The following MTUS1 variants were observed in gnomAD, a reference collection of about 807,000 sequenced individuals.
MTUS1 encodes microtubule-associated tumor suppressor 1.
In MTUS1, 109 loss-of-function variants were observed where a neutral mutation model predicts 120.8. The ratio of observed to expected loss-of-function variants is 0.90; its 90% confidence interval spans 0.77 to 1.06. The LOEUF (loss-of-function observed/expected upper bound fraction) is 1.06, where lower values mean the gene tolerates loss of function less well. Among genes scored for constraint, MTUS1 ranks in the 50% least tolerant of loss-of-function variants. The probability of loss-of-function intolerance (pLI) is 0.00; values close to 1 mark genes in which losing one functional copy is unlikely to be tolerated. For synonymous variants in MTUS1, 737 were observed against 550.5 expected, an observed-to-expected ratio of 1.34 and a Z score of -4.74; for missense variants, 2,210 against 1,486.3, an observed-to-expected ratio of 1.49 and a Z score of -8.01.
intron 2 of MTUS1, among the ~76,000 whole-genome samples, chr8:17,749,675 AAAAG>A (rs1453543227): frequency 8.0e-5 from 12 of 150,748 alleles, no homozygotes; most frequent in East Asian, 7.8e-4. Flanking sequence ...AAAAAAAAAA[AAAAG>A]AAAGAAAAAG....
chr8:17,725,672 T>G (rs1169556368), intron 3 of MTUS1, among the ~76,000 whole-genome samples: 1 of 152,186 alleles, frequency 6.6e-6, no homozygotes, highest in Non-Finnish European at 1.5e-5. Context: ...TGACCCAATC[T>G]AAAATTTGGG....
chr8:17,675,828 T>C (rs886695383), intron 7 of MTUS1, among the ~76,000 whole-genome samples: 4 of 152,196 alleles, frequency 2.6e-5, no homozygotes, highest in African/African-American at 9.7e-5. Context: ...GATTATGATA[T>C]TTTGGATCAG....
chr8:17,799,899 T>C (rs1312166005), intron 1 of MTUS1, among the ~76,000 whole-genome samples: 1 of 152,112 alleles, frequency 6.6e-6, no homozygotes, highest in Non-Finnish European at 1.5e-5. Flanking sequence ...AGTTCTAATC[T>C]TTTCTTTGTA....
intron 1 of MTUS1, among the ~76,000 whole-genome samples, chr8:17,757,062 A>G (rs1300226028): frequency 6.6e-6 from 1 of 152,224 alleles, no homozygotes; most frequent in Non-Finnish European, 1.5e-5. Context: ...AAATGAAAAC[A>G]TATGTCAACA....
At chr8:17,708,445 A>G (rs910296523) in intron 6 of MTUS1, among the ~76,000 whole-genome samples, 1 of 152,308 alleles carries the variant, frequency 6.6e-6, no homozygotes, top group African/African-American at 2.4e-5. Flanking sequence ...AAGACAGACA[A>G]AGCCAAGTGT....
In MTUS1 at chr8:17,646,103, C is replaced by T. The variant is rs61733704; in HGVS notation, c.3636G>A (p.Ser1212=). The stretch of plus-strand genomic sequence containing the variant: ...TGTTGACTTTCGACTCCTTCTCCAG[C>T]GACTCTTGCAGAACAGCCTGCTCCG... ...LSTEQAVLQE[S]LEKESKVNKR... Residue 1212 remains serine (S), a synonymous_variant, in exon 15 of 15, where the codon TCG becomes TCA. Coordinates refer to ENST00000693296, the MANE Select transcript of MTUS1 (RefSeq NM_001363059.2). The T allele has an allele frequency of 1.6e-5, 26 of 1,612,748 alleles. No individual in the cohort carries two copies. The highest frequency in any genetic ancestry group is 1.7e-4 in the Middle Eastern group (1 of 5,986).
At chr8:17,796,217 C>T (rs1301268590) in intron 1 of MTUS1, among the ~76,000 whole-genome samples, 2 of 622 alleles carry the variant, frequency 3.2e-3, no homozygotes, top group African/African-American at 0.01. Flanking sequence ...TCCCAAAGTG[C>T]TGGGATTACA....
intron 1 of MTUS1, among the ~76,000 whole-genome samples, chr8:17,784,118 T>C (rs2051105685): frequency 6.6e-6 from 1 of 152,166 alleles, no homozygotes; most frequent in Admixed American, 6.5e-5. Context: ...ATAAGTTAAA[T>C]AAAATAACAT....
At chr8:17,688,213 C>T (rs934128605) in intron 6 of MTUS1, among the ~76,000 whole-genome samples, 4 of 152,216 alleles carry the variant, frequency 2.6e-5, no homozygotes, top group African/African-American at 7.2e-5. Flanking sequence ...TACTCACTCA[C>T]TCATGAAATA....
At chr8:17,673,215 C>T (rs1421501420) in intron 8 of MTUS1, among the ~76,000 whole-genome samples, 1 of 152,238 alleles carries the variant, frequency 6.6e-6, no homozygotes, top group Non-Finnish European at 1.5e-5. Context: ...AGAAAGCCTG[C>T]AAAGTCTGAG....
chr8:17,684,683 C>G, intron 6 of MTUS1, 141 bp from the exon 7 acceptor site: 2 of 676,448 alleles, frequency 3.0e-6, no homozygotes, highest in Non-Finnish European at 5.2e-6. Flanking sequence ...TGGATGAGAA[C>G]TGGAATGAAT....
Position 17,762,679 on chromosome 8 carries a change from T to G in MTUS1, c.-154-6718A>C, listed in dbSNP as rs138893609. Among the ~76,000 whole-genome samples the G allele has an allele frequency of 1.4e-3, 215 of 152,322 alleles. 1 individual carries two copies. The highest frequency in any genetic ancestry group is 2.6e-3 in the Non-Finnish European group (179 of 68,026). On this transcript the variant is annotated intron_variant, in intron 1 of 14. Coordinates refer to ENST00000693296, the MANE Select transcript of MTUS1 (RefSeq NM_001363059.2). ...GTGGACGGCTATGAAGTAATACAAG[T>G]TATACCTTAAATAATTTAGAAAACA...
intron 8 of MTUS1, among the ~76,000 whole-genome samples, chr8:17,665,114 C>G (rs1204068082): frequency 6.6e-6 from 1 of 152,184 alleles, no homozygotes; most frequent in Admixed American, 6.5e-5. Context: ...CCCCTACTCA[C>G]ATAGTGCCAG....
At chr8:17,790,347 CAAAA>C (rs5889733) in intron 1 of MTUS1, among the ~76,000 whole-genome samples, 1 of 135,126 alleles carries the variant, frequency 7.4e-6, no homozygotes. Context: ...GATTCCCTTT[CAAAA>C]AAAAAAAAAA....
At chr8:17,656,166 C>T (rs1808181038) in intron 8 of MTUS1, 101 bp from the exon 9 acceptor site, 1 of 1,019,418 alleles carries the variant, frequency 9.8e-7, no homozygotes, top group South Asian at 1.4e-5. Flanking sequence ...CTGAAGCATA[C>T]ACCCATGATG....
intron 1 of MTUS1, among the ~76,000 whole-genome samples, chr8:17,783,025 C>T (rs947024938): frequency 1.3e-5 from 2 of 152,144 alleles, no homozygotes; most frequent in Admixed American, 6.5e-5. Context: ...TTGCAGTGAG[C>T]CAAGATCGTG....
intron 8 of MTUS1, among the ~76,000 whole-genome samples, chr8:17,665,073 T>G (rs7464566): frequency 0.49 from 74,062 of 152,082 alleles, 20,319 homozygotes; most frequent in Middle Eastern, 0.7. Flanking sequence ...TCTTATGCTT[T>G]GTAGAAAGTC....
intron 4 of MTUS1, among the ~76,000 whole-genome samples, chr8:17,721,060 T>G (rs927343890): frequency 2.6e-4 from 39 of 152,168 alleles, no homozygotes; most frequent in Non-Finnish European, 3.7e-4. Context: ...AACAGCACTG[T>G]GTTATATCAG....
At chr8:17,775,942 AGCATCAGCGCCG>A (rs2050394342) in intron 1 of MTUS1, among the ~76,000 whole-genome samples, 1 of 152,246 alleles carries the variant, frequency 6.6e-6, no homozygotes, top group African/African-American at 2.4e-5. Flanking sequence ...CAAGCCATTC[AGCATCAGCGCCG>A]GTCCCATCTG....
Sources: allele counts gnomAD v4.1 joint callset (sites outside exome capture counted in the v4.1 genomes callset), GRCh38; gene constraint gnomAD v4.1.1; transcripts MANE v1.5; gene names NCBI Gene and HGNC (gene_info 2026-07-23, HGNC 2026-07-21).